Variants in PCDHGB1 observed in about 807,000 individuals in gnomAD.
PCDHGB1 encodes the protein protocadherin gamma-B1.
Under a neutral mutation model 56.6 loss-of-function variants are expected in PCDHGB1, and 34 were observed. That is an observed-to-expected ratio of 0.60 (90% CI 0.46 to 0.80). The LOEUF is 0.80. PCDHGB1 is among the 30% of genes least tolerant of loss of function. The probability of loss-of-function intolerance (pLI) is 0.00; values close to 1 mark genes in which losing one functional copy is unlikely to be tolerated. For synonymous variants in PCDHGB1, 561 were observed against 505.9 expected, an observed-to-expected ratio of 1.11 and a Z score of -1.46; for missense variants, 1,278 against 1,204.6, an observed-to-expected ratio of 1.06 and a Z score of -0.90.
rs1020682392 is a variant in PCDHGB1 at position 141,371,814 on chromosome 5, G to A, written c.2409+19145G>A. 2.5e-6 allele frequency: 4 copies of A among 1,613,774 alleles called. No individual in the cohort carries two copies. In the East Asian group the frequency reaches 6.7e-5, roughly 27 times the overall value. Reference sequence around the variant, plus strand: ...TCCGCCTGGAGCCTCCATTGCGCATGTCAGAGCCTCGGATCCCGACTTGGG... The same window carrying A: ...TCCGCCTGGAGCCTCCATTGCGCATATCAGAGCCTCGGATCCCGACTTGGG... On this transcript the variant is annotated intron_variant, in intron 1 of 3. Transcript: ENST00000523390.
At chr5:141,441,663 G>A (rs777315226) in intron 1 of PCDHGB1, 20 of 260,482 alleles carry the variant, frequency 7.7e-5, no homozygotes, top group Non-Finnish European at 1.2e-4. Context: ...GTCCTTGAGC[G>A]CACAGTGCGC....
intron 1 of PCDHGB1, 126 bp downstream of exon 1, chr5:141,352,795 G>A (rs1759110396): frequency 1.0e-6 from 1 of 954,294 alleles, no homozygotes; most frequent in Non-Finnish European, 1.5e-6. Context: ...TTTGAGACCA[G>A]CATAGCCAAG....
At chr5:141,453,517 C>T (rs1001603927) in intron 1 of PCDHGB1, among the ~76,000 whole-genome samples, 1 of 152,062 alleles carries the variant, frequency 6.6e-6, no homozygotes, top group African/African-American at 2.4e-5. Context: ...TCATTCCTCC[C>T]CTATACCTTC....
Position 141,438,239 on chromosome 5 carries a change from A to C in PCDHGB1, c.2410-56568A>C, listed in dbSNP as rs550172792. Among the ~76,000 whole-genome samples, 9 of 152,298 alleles carry C rather than the reference A, an allele frequency of 5.9e-5. No homozygotes were observed. In the East Asian group the frequency reaches 1.7e-3, roughly 29 times the overall value. On this transcript the variant is annotated intron_variant, in intron 1 of 3. Transcript: ENST00000523390. ...GCTCTGGTTCAGGAAAATGTTTTTA[A>C]AAAACTGTCATTGAAGAGACCATAG...
In PCDHGB1 at chr5:141,500,954, C is replaced by T. The variant is rs536993707; in HGVS notation, c.2469-4439C>T. On this transcript the variant is annotated intron_variant, in intron 2 of 3. Coordinates refer to ENST00000523390, the MANE Select transcript of PCDHGB1 (RefSeq NM_018922.3). Reference sequence around the variant, plus strand: ...CGCCATCTCGGCTCACTGCAAGCTCCACCTCCTGGGTTCAAGCAATTCTCC... The same window carrying T: ...CGCCATCTCGGCTCACTGCAAGCTCTACCTCCTGGGTTCAAGCAATTCTCC... Among the ~76,000 whole-genome samples the T allele has an allele frequency of 2.4e-3, 358 of 152,060 alleles. 1 individual carries two copies. The highest frequency in any genetic ancestry group is 4.1e-3 in the Admixed American group (63 of 15,282).
At chr5:141,374,798 A>T in intron 1 of PCDHGB1, 1 of 1,613,784 alleles carries the variant, frequency 6.2e-7, no homozygotes, top group Non-Finnish European at 8.5e-7. Flanking sequence ...GAATGACAAC[A>T]CTCCAATGTT....
rs915288148 is a variant in PCDHGB1, at chr5:141,355,973, G to A, written c.2409+3304G>A. On this transcript the variant is annotated intron_variant, in intron 1 of 3. Transcript: ENST00000523390. ...AGTGTTCGTGAGAACGTTCCTGTAGGCACTCGGCTACTCACCGTAAAAGCC... is the reference window on the plus strand; with the variant it reads ...AGTGTTCGTGAGAACGTTCCTGTAGACACTCGGCTACTCACCGTAAAAGCC... 2.2e-5 allele frequency: 35 copies of A among 1,613,706 alleles called. No homozygotes were observed. Among genetic ancestry groups the A allele is most frequent in the Non-Finnish European group, 2.8e-5 (33 of 1,179,874 alleles).
chr5:141,372,593 CA>C, intron 1 of PCDHGB1: 1 of 1,614,030 alleles, frequency 6.2e-7, no homozygotes, highest in South Asian at 1.1e-5. Flanking sequence ...GTGTCTGCTT[CA>C]AGACTGTACC....
intron 1 of PCDHGB1, chr5:141,385,673 C>T (rs1253807650): frequency 2.6e-6 from 1 of 384,964 alleles, no homozygotes; most frequent in Non-Finnish European, 3.8e-6. Context: ...TAAAACACAC[C>T]TCAGCTGTCT....
rs1468315559 is a variant in PCDHGB1 at position 141,493,636 on chromosome 5, G to A, written c.2410-1171G>A. 1.3e-5 allele frequency among the ~76,000 whole-genome samples: 2 copies of A among 152,130 alleles called. No individual in the cohort carries two copies. Among genetic ancestry groups the A allele is most frequent in the Non-Finnish European group, 2.9e-5 (2 of 68,040 alleles). The stretch of plus-strand genomic sequence containing the variant: ...TGTGTCTAAGAATACAGTGGCTGAG[G>A]GCTGGCCATCCCTGTGCCCTTCTCC... On this transcript the variant is annotated intron_variant, in intron 1 of 3. Transcript: ENST00000523390. The surrounding 1 kb of genome is among the most constrained non-coding windows in gnomAD (Gnocchi z 4.3).
At chr5:141,354,207 T>A (rs1263653590) in intron 1 of PCDHGB1, among the ~76,000 whole-genome samples, 1 of 152,246 alleles carries the variant, frequency 6.6e-6, no homozygotes, top group South Asian at 2.1e-4. Flanking sequence ...GTCTAACTTT[T>A]CTTTTTATTT....
In PCDHGB1 at chr5:141,486,667, G is replaced by A; in HGVS notation, c.2410-8140G>A. On this transcript the variant is annotated intron_variant, in intron 1 of 3. Coordinates refer to ENST00000523390, the MANE Select transcript of PCDHGB1 (RefSeq NM_018922.3). The surrounding 1 kb of genome is among the most constrained non-coding windows in gnomAD (Gnocchi z 5.0). ...TCTCCTACTCACTCCTGGAGCCCAG[G>A]AATCGAGATGTATCAGCTTCCTCTT... 4 of 1,613,948 alleles carry A rather than the reference G, an allele frequency of 2.5e-6. No individual in the cohort carries two copies. Among genetic ancestry groups the A allele is most frequent in the Non-Finnish European group, 3.4e-6 (4 of 1,180,014 alleles).
At chr5:141,391,788 G>GT (rs1373420883) in intron 1 of PCDHGB1, 2 of 152,132 alleles carry the variant, frequency 1.3e-5, no homozygotes, top group African/African-American at 2.4e-5. Flanking sequence ...ACTTTTTGCA[G>GT]TTTTTTAGAT....
intron 1 of PCDHGB1, among the ~76,000 whole-genome samples, chr5:141,459,461 G>A (rs1217201752): frequency 6.6e-6 from 1 of 152,214 alleles, no homozygotes; most frequent in Non-Finnish European, 1.5e-5. Flanking sequence ...GGACATTTGA[G>A]TTGTGTCCAG....
At chr5:141,461,422 C>A (rs2099015157) in intron 1 of PCDHGB1, among the ~76,000 whole-genome samples, 1 of 151,930 alleles carries the variant, frequency 6.6e-6, no homozygotes, top group African/African-American at 2.4e-5. Flanking sequence ...TGTTTGTGGG[C>A]CATTTGTATA....
chr5:141,416,378 A>C (rs2096019434), intron 1 of PCDHGB1: 1 of 152,230 alleles, frequency 6.6e-6, no homozygotes, highest in South Asian at 2.1e-4. Flanking sequence ...GAAATTAAGA[A>C]TATTTGGGAT....
intron 1 of PCDHGB1, chr5:141,390,140 A>G (rs747174609): frequency 3.5e-5 from 57 of 1,613,798 alleles, no homozygotes; most frequent in Middle Eastern, 1.6e-4. Context: ...CCTACAATCT[A>G]TGTGTTGCAC....
intron 1 of PCDHGB1, among the ~76,000 whole-genome samples, chr5:141,444,714 CTTGGTGCCT>C (rs2098445168): frequency 6.6e-6 from 1 of 152,122 alleles, no homozygotes; most frequent in Non-Finnish European, 1.5e-5. Context: ...GTTGAATTTG[CTTGGTGCCT>C]TTGTTGAAAG....
At position 141,383,693 on chromosome 5, in the gene PCDHGB1, A is replaced by G. The variant is rs771447649; in HGVS notation, c.2409+31024A>G. 6 of 1,613,930 alleles carry G rather than the reference A, an allele frequency of 3.7e-6. No individual in the cohort carries two copies. The African/African-American group carries it at 4.0e-5, about 11-fold the overall frequency. On this transcript the variant is annotated intron_variant, in intron 1 of 3. Coordinates refer to ENST00000523390, the MANE Select transcript of PCDHGB1 (RefSeq NM_018922.3). Reference sequence around the variant, plus strand: ...GTGGGTACAAGACTGCTCACGGTACATGCTATCGACCTGGACGAGGGAGTC... The same window carrying G: ...GTGGGTACAAGACTGCTCACGGTACGTGCTATCGACCTGGACGAGGGAGTC...
Sources: allele counts gnomAD v4.1 joint callset (sites outside exome capture counted in the v4.1 genomes callset), GRCh38; gene constraint gnomAD v4.1.1; non-coding constraint Gnocchi (gnomAD v3.1); transcripts MANE v1.5; gene names NCBI Gene and HGNC (gene_info 2026-07-23, HGNC 2026-07-21).